DNAJC1: variants seen among roughly 807,000 people sequenced by gnomAD.
The protein encoded by DNAJC1 is DnaJ heat shock protein family (Hsp40) member C1, also known as dnaJ homolog subfamily C member 1.
In DNAJC1, 58 loss-of-function variants were observed where a neutral mutation model predicts 76.6. The observed-to-expected ratio is 0.76, with a 90% CI of 0.61 to 0.94. DNAJC1 has a LOEUF of 0.94. Among genes scored for constraint, DNAJC1 ranks in the 40% least tolerant of loss-of-function variants. The pLI is 0.00. For synonymous variants in DNAJC1, 258 were observed against 267.9 expected, an observed-to-expected ratio of 0.96 and a Z score of 0.36; for missense variants, 689 against 677.3, an observed-to-expected ratio of 1.02 and a Z score of -0.19.
chr10:21,919,008 T>C (rs764726852), intron 5 of DNAJC1, 136 bp from the exon 6 acceptor site: 88 of 625,612 alleles, frequency 1.4e-4, no homozygotes, highest in Non-Finnish European at 2.3e-4. Context: ...GAAGAAAGTA[T>C]GCACTGAAAT....
chr10:21,791,158 G>C (rs773451977), intron 9 of DNAJC1, among the ~76,000 whole-genome samples: 1 of 152,126 alleles, frequency 6.6e-6, no homozygotes, highest in Non-Finnish European at 1.5e-5. Context: ...ATGATAAAAG[G>C]ATCAATTCAG....
At chr10:21,880,694 G>C (rs1836260061) in intron 8 of DNAJC1, among the ~76,000 whole-genome samples, 1 of 152,146 alleles carries the variant, frequency 6.6e-6, no homozygotes, top group East Asian at 1.9e-4. Flanking sequence ...TGTCATCCAG[G>C]CTTTATTGTT....
At chr10:21,830,896 C>CTT (rs537956526) in intron 8 of DNAJC1, among the ~76,000 whole-genome samples, 1 of 152,040 alleles carries the variant, frequency 6.6e-6, no homozygotes, top group African/African-American at 2.4e-5. Flanking sequence ...TCTAAAAGTT[C>CTT]TTTTTTTCAT....
At chr10:21,884,877 C>A (rs373064108) in intron 7 of DNAJC1, among the ~76,000 whole-genome samples, 2 of 151,938 alleles carry the variant, frequency 1.3e-5, no homozygotes, top group Admixed American at 1.3e-4. Flanking sequence ...TATAAAGGGG[C>A]ACTAAATACA....
intron 8 of DNAJC1, among the ~76,000 whole-genome samples, chr10:21,829,214 C>A (rs1051131724): frequency 6.6e-6 from 1 of 150,826 alleles, no homozygotes; most frequent in East Asian, 1.9e-4. Flanking sequence ...TGTTGTTGTT[C>A]GTTTTTGTTT....
intron 9 of DNAJC1, among the ~76,000 whole-genome samples, chr10:21,770,800 T>C (rs1024193313): frequency 2.0e-5 from 3 of 152,236 alleles, no homozygotes; most frequent in Admixed American, 1.3e-4. Context: ...TTTCACTTTC[T>C]TGATGGTGTC....
intron 8 of DNAJC1, among the ~76,000 whole-genome samples, chr10:21,828,806 T>C (rs1835306570): frequency 6.6e-6 from 1 of 152,216 alleles, no homozygotes; most frequent in Admixed American, 6.5e-5. Flanking sequence ...CACTTTTTCT[T>C]TTTCATGATA....
chr10:21,934,898 A>C (rs943919671), intron 1 of DNAJC1, among the ~76,000 whole-genome samples: 2 of 152,190 alleles, frequency 1.3e-5, no homozygotes, highest in Non-Finnish European at 2.9e-5. Flanking sequence ...AGAGATTCTA[A>C]GCTAACTGAA....
chr10:21,771,105 T>C (rs1369650668), intron 9 of DNAJC1, among the ~76,000 whole-genome samples: 1 of 152,238 alleles, frequency 6.6e-6, no homozygotes, highest in African/African-American at 2.4e-5. Context: ...TCATTGTAAA[T>C]GTATAAAAAA....
chr10:21,869,590 C>T (rs888453752), intron 8 of DNAJC1, among the ~76,000 whole-genome samples: 1 of 152,118 alleles, frequency 6.6e-6, no homozygotes, highest in Non-Finnish European at 1.5e-5. Context: ...GTGTCATGGG[C>T]CATGGTTGCT....
At chr10:21,849,713 C>CA (rs1057175296) in intron 8 of DNAJC1, among the ~76,000 whole-genome samples, 2 of 151,858 alleles carry the variant, frequency 1.3e-5, no homozygotes, top group Non-Finnish European at 2.9e-5. Context: ...CAAAAATCAT[C>CA]AAAAAAATAT....
chr10:21,928,965 T>C, intron 2 of DNAJC1, 75 bp downstream of exon 2: 1 of 899,934 alleles, frequency 1.1e-6, no homozygotes. Context: ...ATTCCATATA[T>C]AAGTGAATAT....
chr10:21,770,898 G>C (rs948371445), intron 9 of DNAJC1, among the ~76,000 whole-genome samples: 1 of 151,962 alleles, frequency 6.6e-6, no homozygotes, highest in Non-Finnish European at 1.5e-5. Flanking sequence ...TGTGCCTTTG[G>C]TGTCATATCT....
chr10:21,782,224 A>G (rs1205403073), intron 9 of DNAJC1, among the ~76,000 whole-genome samples: 1 of 152,228 alleles, frequency 6.6e-6, no homozygotes, highest in Non-Finnish European at 1.5e-5. Flanking sequence ...CACTGATCCC[A>G]GAGAAATACT....
chr10:21,916,548 A>G lies in DNAJC1; in HGVS notation c.729+2231T>C, dbSNP rs1053774473. ...CCTATATCACAAGAGTGGTACATAA[A>G]GTACACGTTTTAAAAGTTTAAGGTT... On this transcript the variant is annotated intron_variant, in intron 6 of 11. Transcript: ENST00000376980. Among the ~76,000 whole-genome samples the G allele has an allele frequency of 5.3e-5, 8 of 152,210 alleles. 1 individual carries two copies. Among genetic ancestry groups the G allele is most frequent in the East Asian group, 3.8e-4 (2 of 5,196 alleles).
chr10:21,759,375 C>T lies in DNAJC1; in HGVS notation c.1391G>A (p.Arg464Lys). Reference protein sequence around the residue: ...TAKPEPEEKSRAKRQKDFDIA... With the variant: ...TAKPEPEEKSKAKRQKDFDIA... ...GTCAAAGTCCTTCTGCCGCTTGGCTCTGGACTTCTCCTCTGGCTCCGGCTT... is the reference window on the plus strand; with the variant it reads ...GTCAAAGTCCTTCTGCCGCTTGGCTTTGGACTTCTCCTCTGGCTCCGGCTT... Residue 464 changes from arginine to lysine, a missense_variant, in exon 11 of 12, where the codon AGA (arginine) becomes AAA (lysine). Transcript: ENST00000376980. 6.2e-7 allele frequency: 1 copy of T among 1,614,224 alleles called. No homozygotes were observed. Among genetic ancestry groups the T allele is most frequent in the South Asian group, 1.1e-5 (1 of 91,088 alleles).
chr10:21,976,640 A>G (rs1436861471), intron 1 of DNAJC1, among the ~76,000 whole-genome samples: 3 of 152,208 alleles, frequency 2.0e-5, no homozygotes, highest in Non-Finnish European at 2.9e-5. Flanking sequence ...GTATTTCTTA[A>G]CCCATCAAAA....
chr10:21,862,291 A>G (rs1052762425), intron 8 of DNAJC1, among the ~76,000 whole-genome samples: 4 of 152,120 alleles, frequency 2.6e-5, no homozygotes, highest in Non-Finnish European at 4.4e-5. Context: ...TGTGAGATTC[A>G]AGAACACTCT....
rs202020257 is a variant in DNAJC1 at position 21,826,488 on chromosome 10, T to C, written c.979-20389A>G. Among the ~76,000 whole-genome samples the C allele has an allele frequency of 3.9e-5, 6 of 152,290 alleles. No homozygotes were observed. In the East Asian group the frequency reaches 7.7e-4, roughly 20 times the overall value. ...AGTCTCTTCATGGTATCCTTTGATA[T>C]ACAAAAGTTTTTAATTTTGATGAAA... is the stretch of plus-strand genomic sequence containing the variant. On this transcript the variant is annotated intron_variant, in intron 8 of 11. Coordinates refer to ENST00000376980, the MANE Select transcript of DNAJC1 (RefSeq NM_022365.4).
Sources: allele counts gnomAD v4.1 joint callset (sites outside exome capture counted in the v4.1 genomes callset), GRCh38; gene constraint gnomAD v4.1.1; transcripts MANE v1.5; gene names NCBI Gene and HGNC (gene_info 2026-07-23, HGNC 2026-07-21).